Variants in HIBCH observed in about 807,000 individuals in gnomAD.
HIBCH encodes 3-hydroxyisobutyryl-CoA hydrolase, mitochondrial.
In HIBCH, 50 loss-of-function variants were observed where a neutral mutation model predicts 58.2. The ratio of observed to expected loss-of-function variants is 0.86; its 90% CI spans 0.68 to 1.09. The LOEUF (loss-of-function observed/expected upper bound fraction) is 1.09. Ranked by LOEUF, HIBCH falls within the 50% of genes least tolerant of loss-of-function variation. The pLI, the probability that HIBCH is intolerant of heterozygous loss-of-function variation, is 0.00. For missense variants in HIBCH, 450 were observed against 449.7 expected, an observed-to-expected ratio of 1.00 and a Z score of -0.01; for synonymous variants, 151 against 146.9, an observed-to-expected ratio of 1.03 and a Z score of -0.20.
chr2:190,220,148 G>A (rs1245864364), intron 11 of HIBCH: 3 of 152,216 alleles, frequency 2.0e-5, no homozygotes, highest in African/African-American at 4.8e-5. Flanking sequence ...GTTCCAAGAT[G>A]TATCTATGAT....
chr2:190,303,812 G>T (rs1362296021), intron 2 of HIBCH, among the ~76,000 whole-genome samples: 1 of 152,104 alleles, frequency 6.6e-6, no homozygotes. Context: ...ATAAAAGTTA[G>T]CATTACCAAT....
In HIBCH at chr2:190,315,834, C is replaced by G. The variant is rs1004489906; in HGVS notation, c.35+3882G>C. Among the ~76,000 whole-genome samples the G allele has an allele frequency of 1.3e-5, 2 of 152,064 alleles. No individual in the cohort carries two copies. The highest frequency in any genetic ancestry group is 4.8e-5 in the African/African-American group (2 of 41,388). Reference sequence around the variant, plus strand: ...CTTTAAGATTTCAAGCCAGGACAACCAGGAGAATATAGAAAAGACAGGGAA... The same window carrying G: ...CTTTAAGATTTCAAGCCAGGACAACGAGGAGAATATAGAAAAGACAGGGAA... On this transcript the variant is annotated intron_variant, in intron 1 of 13. Coordinates refer to ENST00000359678, the MANE Select transcript of HIBCH (RefSeq NM_014362.4). This position sits in a 1 kb window ranked among gnomAD's most constrained non-coding sequence, Gnocchi z 5.4.
At chr2:190,199,917 G>A, downstream of HIBCH, 1 of 1,614,118 alleles carries the variant, frequency 6.2e-7, no homozygotes, top group Non-Finnish European at 8.5e-7. Flanking sequence ...ATGAAGGTGA[G>A]AAGCAGCATG....
rs1254546349 is a variant in HIBCH at position 190,319,527 on chromosome 2, T to C, written c.35+189A>G. On this transcript the variant is annotated intron_variant, in intron 1 of 13. Transcript: ENST00000359678. ...AACCAGAGTGCTGCTGCAAAGAAGA[T>C]GCTAGAGGGAGAAAGGAAAGACAGG... 1.8e-4 allele frequency among the ~76,000 whole-genome samples: 27 copies of C among 148,950 alleles called. No individual in the cohort carries two copies. In the Admixed American group the frequency reaches 1.8e-3, roughly 10 times the overall value.
chr2:190,303,693 C>A (rs142325353), intron 2 of HIBCH, among the ~76,000 whole-genome samples: 19 of 152,246 alleles, frequency 1.2e-4, no homozygotes, highest in African/African-American at 4.3e-4. Context: ...TGTCCCCTCA[C>A]CTTTTGAGTT....
intron 1 of HIBCH, among the ~76,000 whole-genome samples, chr2:190,190,874 G>C (rs1689679982): frequency 6.6e-6 from 1 of 152,000 alleles, no homozygotes; most frequent in African/African-American, 2.4e-5. Context: ...ACCACAATCG[G>C]GATAAAGAAT....
At chr2:190,314,262 C>A (rs1688632830) in intron 1 of HIBCH, among the ~76,000 whole-genome samples, 2 of 113,840 alleles carry the variant, frequency 1.8e-5, no homozygotes, top group Non-Finnish European at 1.8e-5. Flanking sequence ...ATCTGTGGAC[C>A]AGTTACTACA....
chr2:190,227,558 A>G (rs1449134673), intron 11 of HIBCH, among the ~76,000 whole-genome samples: 1 of 152,258 alleles, frequency 6.6e-6, no homozygotes, highest in Admixed American at 6.5e-5. Context: ...ACAAAAGCCA[A>G]AATTGACAAA....
intron 11 of HIBCH, among the ~76,000 whole-genome samples, chr2:190,232,084 A>T (rs1217480791): frequency 6.6e-6 from 1 of 152,096 alleles, no homozygotes; most frequent in Non-Finnish European, 1.5e-5. Flanking sequence ...AATCCCAGCT[A>T]CTTGGGAGGC....
rs758938066 is a variant in HIBCH at position 190,290,437 on chromosome 2, A to G, written c.353T>C (p.Phe118Ser). ...KAKQKIAPVF[F>S]REEYMLNNAV... ...ATTATTCAGCATATATTCTTCTCTG[A>G]AGAAAACTGGAGCTATCTTCTGTTT... is the stretch of plus-strand genomic sequence containing the variant. Residue 118 changes from phenylalanine to serine, a missense_variant, in exon 5 of 14, where the codon TTC (phenylalanine) becomes TCC (serine). Transcript: ENST00000359678. The G allele has an allele frequency of 1.9e-6, 3 of 1,612,422 alleles. No homozygotes were observed. The highest frequency in any genetic ancestry group is 3.3e-5 in the Admixed American group (2 of 60,002).
chr2:190,275,489 G>C (rs1687523706), intron 6 of HIBCH, among the ~76,000 whole-genome samples: 1 of 152,172 alleles, frequency 6.6e-6, no homozygotes, highest in South Asian at 2.1e-4. Flanking sequence ...TACCAGAACA[G>C]GATCTAGCTT....
intron 6 of HIBCH, among the ~76,000 whole-genome samples, chr2:190,283,879 C>T (rs1262502501): frequency 6.6e-6 from 1 of 152,146 alleles, no homozygotes; most frequent in South Asian, 2.1e-4. Flanking sequence ...TAGTACCATT[C>T]GAGAAGCACA....
In HIBCH at chr2:190,315,052, A is replaced by C. The variant is rs974286541; in HGVS notation, c.36-4256T>G. 6.6e-6 allele frequency among the ~76,000 whole-genome samples: 1 copy of C among 151,480 alleles called. No homozygotes were observed. Among genetic ancestry groups the C allele is most frequent in the Non-Finnish European group, 1.5e-5 (1 of 67,940 alleles). On this transcript the variant is annotated intron_variant, in intron 1 of 13. Transcript: ENST00000359678. This position sits in a 1 kb window ranked among gnomAD's most constrained non-coding sequence, Gnocchi z 5.4. ...AGGCTCTGCCTTCCGGGTTCACGCC[A>C]TTCTCCTGCCTCAGTCTCCTGAGTA... is the stretch of plus-strand genomic sequence containing the variant.
At chr2:190,303,031 T>C (rs571134458) in intron 2 of HIBCH, among the ~76,000 whole-genome samples, 2 of 152,326 alleles carry the variant, frequency 1.3e-5, no homozygotes, top group East Asian at 1.9e-4. Flanking sequence ...TGGCTCTCAC[T>C]GTCAGGAGTA....
intron 11 of HIBCH, among the ~76,000 whole-genome samples, chr2:190,228,257 T>C (rs887282485): frequency 6.6e-5 from 10 of 152,058 alleles, no homozygotes; most frequent in African/African-American, 2.4e-4. Flanking sequence ...TGTAGGGACA[T>C]GGATGAAGCT....
At chr2:190,230,845 G>A (rs1559023031) in intron 11 of HIBCH, among the ~76,000 whole-genome samples, 1 of 152,182 alleles carries the variant, frequency 6.6e-6, no homozygotes, top group Non-Finnish European at 1.5e-5. Context: ...TTTGTTGTAT[G>A]AGTCTAGCAT....
At chr2:190,200,726 C>T (rs1690208771), downstream of HIBCH, 1 of 168,624 alleles carries the variant, frequency 5.9e-6, no homozygotes, top group Admixed American at 6.4e-5. Context: ...GACCTCAGGG[C>T]CCTAACTAAT....
chr2:190,312,032 T>C (rs1688571278), intron 1 of HIBCH, among the ~76,000 whole-genome samples: 1 of 152,174 alleles, frequency 6.6e-6, no homozygotes, highest in Admixed American at 6.5e-5. Context: ...GGACTGCAGG[T>C]ATAAGTTCAC....
chr2:190,244,273 TA>T (rs1438944379), intron 11 of HIBCH, among the ~76,000 whole-genome samples: 8 of 152,328 alleles, frequency 5.3e-5, no homozygotes, highest in African/African-American at 1.9e-4. Flanking sequence ...CCAAGTCTCA[TA>T]ATCATACTAG....
Sources: gnomAD v4.1 joint callset for allele counts (sites outside exome capture counted in the v4.1 genomes callset) on GRCh38, gnomAD v4.1.1 for gene constraint, Gnocchi (gnomAD v3.1) non-coding constraint, MANE v1.5 for transcripts, NCBI Gene and HGNC (gene_info 2026-07-23, HGNC 2026-07-21) for gene names.